The following DPP10 variants were observed in gnomAD, a reference collection of about 807,000 sequenced individuals.
DPP10 encodes dipeptidyl peptidase like 10, also known as inactive dipeptidyl peptidase 10.
DPP10 carries 33 observed loss-of-function variants against 120.9 expected under a neutral mutation model. That is an observed-to-expected ratio of 0.27 (90% CI 0.21 to 0.37). The LOEUF is 0.37. Ranked by LOEUF, DPP10 falls within the 10% of genes least tolerant of loss-of-function variation. The pLI is 1.00. For missense variants in DPP10, 816 were observed against 942.8 expected (o/e 0.87, Z 1.76); for synonymous variants, 337 against 326.1 (o/e 1.03, Z -0.36).
At chr2:115,634,136 C>G (rs146596191) in intron 5 of DPP10, among the ~76,000 whole-genome samples, 8 of 152,022 alleles carry the variant, frequency 5.3e-5, no homozygotes, top group Admixed American at 6.6e-5. Context: ...CAGCTCCATC[C>G]GGTCATTTAT....
chr2:115,722,781 A>AT (rs145678454), intron 7 of DPP10, among the ~76,000 whole-genome samples: 13,521 of 152,244 alleles, frequency 0.089, 720 homozygotes, highest in Non-Finnish European at 0.12. Flanking sequence ...ATAGTCATCC[A>AT]TTTTTGTACT....
At chr2:115,683,091 T>G (rs1434751720) in intron 5 of DPP10, among the ~76,000 whole-genome samples, 2 of 151,906 alleles carry the variant, frequency 1.3e-5, no homozygotes, top group Admixed American at 6.6e-5. Flanking sequence ...TTTTATAGAT[T>G]TTGTCGTAAA....
intron 17 of DPP10, among the ~76,000 whole-genome samples, chr2:115,787,744 C>A (rs1683501091): frequency 6.6e-6 from 1 of 152,066 alleles, no homozygotes; most frequent in Non-Finnish European, 1.5e-5. Flanking sequence ...GGATAAATGT[C>A]AATAAAACCA....
At chr2:114,939,404 C>T (rs35894488) in intron 1 of DPP10, among the ~76,000 whole-genome samples, 1 of 151,790 alleles carries the variant, frequency 6.6e-6, no homozygotes, top group African/African-American at 2.4e-5. Flanking sequence ...TTTTTAAATT[C>T]TTTTTTCCTC....
chr2:115,113,413 GTA>G (rs1491066219), intron 1 of DPP10, among the ~76,000 whole-genome samples: 1 of 138,898 alleles, frequency 7.2e-6, no homozygotes, highest in African/African-American at 2.5e-5. Context: ...TTTTCATGAA[GTA>G]TATCTTAGAC....
At chr2:114,972,799 C>A (rs1293055863) in intron 1 of DPP10, among the ~76,000 whole-genome samples, 2 of 152,132 alleles carry the variant, frequency 1.3e-5, no homozygotes, top group Non-Finnish European at 2.9e-5. Flanking sequence ...GTGACTGCGA[C>A]TGGGGAAATA....
chr2:115,267,874 G>T (rs887460235), intron 1 of DPP10, among the ~76,000 whole-genome samples: 4 of 152,070 alleles, frequency 2.6e-5, no homozygotes, highest in African/African-American at 9.7e-5. Flanking sequence ...TTATTTAATG[G>T]TAATTTATGT....
intron 1 of DPP10, among the ~76,000 whole-genome samples, chr2:114,905,388 C>T (rs1237487300): frequency 3.9e-5 from 6 of 152,080 alleles, no homozygotes; most frequent in Non-Finnish European, 1.5e-5. Flanking sequence ...GAGACATCTT[C>T]ACTTCTTTGG....
intron 5 of DPP10, among the ~76,000 whole-genome samples, chr2:115,545,337 A>C (rs770467659): frequency 7.9e-5 from 12 of 152,188 alleles, no homozygotes; most frequent in Non-Finnish European, 1.6e-4. Flanking sequence ...AAATAGTTAC[A>C]TGTAATTCCT....
In DPP10 at chr2:115,750,857, A is replaced by C. The variant is rs994071078; in HGVS notation, c.951-2317A>C. Among the ~76,000 whole-genome samples, 3 of 152,166 alleles carry C rather than the reference A, an allele frequency of 2.0e-5. No homozygotes were observed. The East Asian group carries it at 5.8e-4, about 29-fold the overall frequency. On this transcript the variant is annotated intron_variant, in intron 10 of 25. Coordinates refer to ENST00000410059, the MANE Select transcript of DPP10 (RefSeq NM_020868.6). ...TGCAAAGATGTTCTTGTAGCATTTCATTTGAGACCAACTTTGAAAAGGAAA... is the reference window on the plus strand; with the variant it reads ...TGCAAAGATGTTCTTGTAGCATTTCCTTTGAGACCAACTTTGAAAAGGAAA...
intron 1 of DPP10, among the ~76,000 whole-genome samples, chr2:114,532,296 T>TATATATATATATATATACACAC (rs1342125338): frequency 2.7e-5 from 2 of 74,748 alleles, no homozygotes; most frequent in Non-Finnish European, 5.0e-5. Flanking sequence ...TATATATATA[T>TATATATATATATATATACACAC]ACACACACAC....
chr2:115,621,066 G>T (rs1233205439), intron 5 of DPP10, among the ~76,000 whole-genome samples: 1 of 152,164 alleles, frequency 6.6e-6, no homozygotes, highest in Non-Finnish European at 1.5e-5. Context: ...TGACAACACT[G>T]ATGTGTGCCA....
At chr2:115,519,324 A>G (rs1449926190) in intron 4 of DPP10, among the ~76,000 whole-genome samples, 1 of 152,318 alleles carries the variant, frequency 6.6e-6, no homozygotes, top group African/African-American at 2.4e-5. Flanking sequence ...GTATTGATTC[A>G]ATACTCATAA....
chr2:115,585,553 T>A (rs2082236870), intron 5 of DPP10, among the ~76,000 whole-genome samples: 1 of 152,154 alleles, frequency 6.6e-6, no homozygotes, highest in South Asian at 2.1e-4. Flanking sequence ...TATCAAGTTT[T>A]CTTCCTCCTC....
chr2:114,818,124 AAGAG>A (rs148498092), intron 1 of DPP10, among the ~76,000 whole-genome samples: 1 of 151,268 alleles, frequency 6.6e-6, no homozygotes, highest in Non-Finnish European at 1.5e-5. Context: ...ACTGCCCAAA[AAGAG>A]AGAGAGAGAG....
chr2:115,700,905 A>C (rs2091856747), intron 7 of DPP10, among the ~76,000 whole-genome samples: 1 of 152,144 alleles, frequency 6.6e-6, no homozygotes, highest in Non-Finnish European at 1.5e-5. Context: ...GACTCATACA[A>C]TGAAAACTAA....
At chr2:114,488,592 A>C (rs1316586961) in intron 1 of DPP10, among the ~76,000 whole-genome samples, 1 of 152,220 alleles carries the variant, frequency 6.6e-6, no homozygotes. Flanking sequence ...TCTAATATGC[A>C]TTGTGAATCT....
At chr2:115,679,523 T>C (rs1386599869) in intron 5 of DPP10, among the ~76,000 whole-genome samples, 1 of 152,192 alleles carries the variant, frequency 6.6e-6, no homozygotes, top group Non-Finnish European at 1.5e-5. Context: ...AAACCTCTTT[T>C]CTTTGTAAAT....
chr2:114,620,290 G>A (rs1187336793), intron 1 of DPP10, among the ~76,000 whole-genome samples: 1 of 151,946 alleles, frequency 6.6e-6, no homozygotes, highest in African/African-American at 2.4e-5. Flanking sequence ...GTCATTTTCA[G>A]GAAAAAGCAG....
Sources: allele counts gnomAD v4.1 joint callset (sites outside exome capture counted in the v4.1 genomes callset), GRCh38; gene constraint gnomAD v4.1.1; transcripts MANE v1.5; gene names NCBI Gene and HGNC (gene_info 2026-07-23, HGNC 2026-07-21).